Variants in NEDD1 observed in about 807,000 individuals in gnomAD.
NEDD1 encodes the protein protein NEDD1.
NEDD1 carries 33 observed loss-of-function variants against 74.0 expected under a neutral mutation model. The ratio of observed to expected loss-of-function variants is 0.45; its 90% CI spans 0.34 to 0.60. NEDD1 has a LOEUF of 0.60. Among genes scored for constraint, NEDD1 ranks in the 20% least tolerant of loss-of-function variants. NEDD1 has a pLI of 0.01. For synonymous variants in NEDD1, 250 were observed against 264.4 expected (o/e 0.95, Z 0.53); for missense variants, 746 against 776.5 (o/e 0.96, Z 0.47).
At chr12:96,910,963 T>A (rs928616407) in intron 3 of NEDD1, among the ~76,000 whole-genome samples, 1 of 152,228 alleles carries the variant, frequency 6.6e-6, no homozygotes, top group African/African-American at 2.4e-5. Flanking sequence ...TTTATATGAC[T>A]TACTATTCTT....
intron 6 of NEDD1, among the ~76,000 whole-genome samples, chr12:96,929,600 C>CACACACAT (rs1197137515): frequency 1.8e-5 from 1 of 55,130 alleles, no homozygotes; most frequent in Non-Finnish European, 3.3e-5. Flanking sequence ...CACACACACA[C>CACACACAT]ATATGTGTAT....
chr12:96,919,569 A>G (rs1252249786), intron 5 of NEDD1, among the ~76,000 whole-genome samples: 2 of 152,096 alleles, frequency 1.3e-5, no homozygotes, highest in Non-Finnish European at 2.9e-5. Context: ...TCTAAGGTTG[A>G]ACTCCAGCTT....
At chr12:96,918,538 T>A (rs1021594066) in intron 5 of NEDD1, among the ~76,000 whole-genome samples, 2 of 152,184 alleles carry the variant, frequency 1.3e-5, no homozygotes, top group Non-Finnish European at 2.9e-5. Flanking sequence ...TTTTCAGCTT[T>A]CTCAATTACT....
intron 6 of NEDD1, among the ~76,000 whole-genome samples, chr12:96,933,241 A>G (rs991425503): frequency 1.3e-5 from 2 of 152,154 alleles, no homozygotes; most frequent in Non-Finnish European, 2.9e-5. Flanking sequence ...AACTTCGAGA[A>G]TCTACCAGGT....
chr12:96,933,399 G>A lies in NEDD1; in HGVS notation c.490-1577G>A, dbSNP rs887507614. Among the ~76,000 whole-genome samples the A allele has an allele frequency of 1.7e-4, 26 of 152,240 alleles. 2 individuals carry two copies. Among genetic ancestry groups the A allele is most frequent in the Admixed American group, 8.5e-4 (13 of 15,276 alleles). On this transcript the variant is annotated intron_variant, in intron 6 of 15. Coordinates refer to ENST00000266742, the MANE Select transcript of NEDD1 (RefSeq NM_152905.4). The stretch of plus-strand genomic sequence containing the variant: ...TTTGCCTTATATTTTGATATGTTGT[G>A]TATGACTCTGTAATCATTAACATAA...
intron 12 of NEDD1, 34 bp downstream of exon 12, chr12:96,943,796 A>G: frequency 7.0e-7 from 1 of 1,424,126 alleles, no homozygotes; most frequent in Non-Finnish European, 9.9e-7. Flanking sequence ...AACTCACTGT[A>G]TGTGTTTATC....
chr12:96,927,901 T>C (rs766987252), intron 6 of NEDD1, among the ~76,000 whole-genome samples: 3 of 152,174 alleles, frequency 2.0e-5, no homozygotes, highest in Non-Finnish European at 4.4e-5. Flanking sequence ...TTTTATGTTA[T>C]ATAGGAGCAT....
At chr12:96,948,057 T>G (rs1878365128) in intron 14 of NEDD1, among the ~76,000 whole-genome samples, 1 of 152,146 alleles carries the variant, frequency 6.6e-6, no homozygotes, top group African/African-American at 2.4e-5. Flanking sequence ...CACCTATCAT[T>G]GGCAGGACAG....
intron 6 of NEDD1, among the ~76,000 whole-genome samples, chr12:96,922,336 CT>C (rs746555723): frequency 6.6e-6 from 1 of 152,002 alleles, no homozygotes; most frequent in Non-Finnish European, 1.5e-5. Flanking sequence ...AGCCTATAAA[CT>C]TTGGAACTAT....
At chr12:96,927,194 A>G (rs1209485022) in intron 6 of NEDD1, among the ~76,000 whole-genome samples, 1 of 152,212 alleles carries the variant, frequency 6.6e-6, no homozygotes, top group East Asian at 1.9e-4. Flanking sequence ...TGCTTCTATG[A>G]ACAATCACAA....
chr12:96,916,734 ATAGCAG>A (rs1382695186), intron 4 of NEDD1, among the ~76,000 whole-genome samples: 5 of 151,952 alleles, frequency 3.3e-5, no homozygotes, highest in African/African-American at 1.2e-4. Flanking sequence ...ATGTGTCTTT[ATAGCAG>A]CATGATTTAT....
intron 6 of NEDD1, among the ~76,000 whole-genome samples, chr12:96,922,281 A>T (rs1875181950): frequency 7.0e-6 from 1 of 141,940 alleles, no homozygotes; most frequent in Non-Finnish European, 1.5e-5. Context: ...TGTTTTGGTG[A>T]TTTCTTTTTT....
In NEDD1 at chr12:96,952,055, AT is replaced by A. The variant is rs749632347; in HGVS notation, c.*5del. The A allele has an allele frequency of 8.4e-6, 12 of 1,431,828 alleles. No homozygotes were observed. In the South Asian group the frequency reaches 1.0e-4, roughly 12 times the overall value. 88.7% of individuals were successfully genotyped at this position (1,431,828 alleles called of 1,614,324 possible). ...AAAAGATTACGGGCCCACTTTTGAA[AT>A]TTCAGTGAATACCTTAATGTTCTGT... On this transcript the variant is annotated 3_prime_UTR_variant, in exon 16 of 16. Transcript: ENST00000266742.
chr12:96,919,625 T>C (rs1185731939), intron 5 of NEDD1, among the ~76,000 whole-genome samples: 1 of 152,190 alleles, frequency 6.6e-6, no homozygotes, highest in Non-Finnish European at 1.5e-5. Flanking sequence ...TCACAGTAGC[T>C]CTTTCTCTTT....
chr12:96,934,236 T>C (rs540970517), intron 6 of NEDD1, among the ~76,000 whole-genome samples: 1 of 151,830 alleles, frequency 6.6e-6, no homozygotes, highest in South Asian at 2.1e-4. Flanking sequence ...TATTCCCTTA[T>C]ACTTGTTGAT....
intron 6 of NEDD1, among the ~76,000 whole-genome samples, chr12:96,922,737 C>G (rs975155297): frequency 2.0e-5 from 3 of 152,150 alleles, no homozygotes; most frequent in Non-Finnish European, 4.4e-5. Flanking sequence ...GGTGTAACTA[C>G]TAACAAAATC....
chr12:96,932,694 G>A lies in NEDD1; in HGVS notation c.490-2282G>A, dbSNP rs1014073399. Among the ~76,000 whole-genome samples the A allele has an allele frequency of 4.6e-5, 7 of 150,784 alleles. No individual in the cohort carries two copies. The East Asian group carries it at 1.4e-3, about 30-fold the overall frequency. On this transcript the variant is annotated intron_variant, in intron 6 of 15. Transcript: ENST00000266742. ...TGGAGACATTTAAAGAATTCAATGT[G>A]GTTACTTAAGGGTCTTTTAAAAAAT...
At chr12:96,927,252 T>C (rs1188699876) in intron 6 of NEDD1, among the ~76,000 whole-genome samples, 2 of 152,216 alleles carry the variant, frequency 1.3e-5, no homozygotes, top group African/African-American at 4.8e-5. Flanking sequence ...GTGAAAGTGA[T>C]AGGAATGTGG....
chr12:96,910,525 A>G (rs1873810668), intron 3 of NEDD1, among the ~76,000 whole-genome samples: 1 of 152,190 alleles, frequency 6.6e-6, no homozygotes, highest in African/African-American at 2.4e-5. Context: ...CTCAATGTGG[A>G]TAAAATAAAA....
Sources: gnomAD v4.1 joint callset for allele counts (sites outside exome capture counted in the v4.1 genomes callset) on GRCh38, gnomAD v4.1.1 for gene constraint, MANE v1.5 for transcripts, NCBI Gene and HGNC (gene_info 2026-07-23, HGNC 2026-07-21) for gene names.